The following IRS1 variants were observed in gnomAD, a reference collection of about 807,000 sequenced individuals.
IRS1 encodes the protein insulin receptor substrate 1.
A neutral mutation model predicts 65.6 loss-of-function variants in IRS1; 34 were observed. The ratio of observed to expected loss-of-function variants is 0.52; its 90% CI spans 0.39 to 0.69. The LOEUF is 0.69. Among genes scored for constraint, IRS1 ranks in the 30% least tolerant of loss-of-function variants. The probability of loss-of-function intolerance (pLI) is 0.00; values close to 1 mark genes in which losing one functional copy is unlikely to be tolerated. For missense variants in IRS1, 1,641 were observed against 1,720.2 expected, an observed-to-expected ratio of 0.95 and a Z score of 0.81; for synonymous variants, 699 against 683.5, an observed-to-expected ratio of 1.02 and a Z score of -0.35.
At chr2:226,757,002 T>TAAATAAATAAAA (rs1349775472) in intron 1 of IRS1, among the ~76,000 whole-genome samples, 3 of 147,204 alleles carry the variant, frequency 2.0e-5, no homozygotes, top group East Asian at 4.0e-4. Flanking sequence ...AATAAATAAA[T>TAAATAAATAAAA]AAAATACAAT....
At chr2:226,780,769 G>A (rs1469366791) in intron 1 of IRS1, among the ~76,000 whole-genome samples, 1 of 152,074 alleles carries the variant, frequency 6.6e-6, no homozygotes, top group African/African-American at 2.4e-5. Context: ...AATTTTGATG[G>A]ACTTTTTAAT....
intron 1 of IRS1, among the ~76,000 whole-genome samples, chr2:226,784,761 T>C (rs532074775): frequency 1.2e-4 from 19 of 152,322 alleles, no homozygotes; most frequent in Middle Eastern, 3.4e-3. Context: ...TTCTCGAAAG[T>C]TTCTATTTTG....
intron 1 of IRS1, among the ~76,000 whole-genome samples, chr2:226,771,692 C>A (rs936545054): frequency 2.0e-5 from 3 of 151,902 alleles, no homozygotes; most frequent in African/African-American, 7.3e-5. Flanking sequence ...GATGCTCATG[C>A]CTTCTGCCTG....
At position 226,797,861 on chromosome 2, in the gene IRS1, G is replaced by A. The variant is rs746823533; in HGVS notation, c.878C>T (p.Pro293Leu). 3.7e-6 allele frequency: 6 copies of A among 1,603,048 alleles called. No homozygotes were observed. The highest frequency in any genetic ancestry group is 2.2e-5 in the South Asian group (2 of 90,240). Residue 293 changes from proline to leucine, a missense_variant, in exon 1 of 2, where the codon CCG (proline) becomes CTG (leucine). By Grantham distance (98) the Pro-to-Leu change is moderately conservative. Coordinates refer to ENST00000305123, the MANE Select transcript of IRS1 (RefSeq NM_005544.3). This position sits in a 1 kb window ranked among gnomAD's most constrained non-coding sequence, Gnocchi z 8.1. ...GCGGGTCAGCCCCACCTGGCTGGGC[G>A]GGGGATTGTTGAGATGGTGCCGGCG... is the stretch of plus-strand genomic sequence containing the variant. Reference protein sequence around the residue: ...PLRRHHLNNPPPSQVGLTRRS... With the variant: ...PLRRHHLNNPLPSQVGLTRRS...
intron 1 of IRS1, among the ~76,000 whole-genome samples, chr2:226,764,105 G>T (rs1410114221): frequency 6.6e-6 from 1 of 151,792 alleles, no homozygotes; most frequent in African/African-American, 2.4e-5. Flanking sequence ...TTTCCACTCA[G>T]TCTGAAAGTA....
chr2:226,736,626 T>C (rs1574636869), intron 1 of IRS1, among the ~76,000 whole-genome samples: 2 of 151,064 alleles, frequency 1.3e-5, no homozygotes, highest in East Asian at 4.1e-4. Flanking sequence ...TCAGTCTGTG[T>C]TGTATCTCCT....
In IRS1 at chr2:226,759,954, C is replaced by T. The variant is rs896423648; in HGVS notation, c.*22-23704G>A. Among the ~76,000 whole-genome samples the T allele has an allele frequency of 8.5e-5, 13 of 152,264 alleles. No homozygotes were observed. The South Asian group carries it at 1.2e-3, about 15-fold the overall frequency. On this transcript the variant is annotated intron_variant, in intron 1 of 1. Transcript: ENST00000305123. ...TTTTGGGAGTGCGAGGCAGGCAGAT[C>T]GCTTGAGCTCAGGCGTTTGAGACCA...
Position 226,795,913 on chromosome 2 carries a change from C to T in IRS1, c.2826G>A (p.Met942Ile). Residue 942 changes from methionine (M) to isoleucine (I), a missense_variant, in exon 1 of 2, where the codon ATG becomes ATA. Physicochemically the swap from Met to Ile is conservative, Grantham distance 10 (BLOSUM62 1). This residue lies in a region of IRS1 where 1,324 missense variants were observed against 1,361.0 expected (regional missense o/e 0.97). Transcript: ENST00000305123. Reference sequence around the variant, plus strand: ...TCCGGCCCGGCCCCAGGTCCATCTTCATGTACTCCTCAGTGCCAGTCTCTT... The same window carrying T: ...TCCGGCCCGGCCCCAGGTCCATCTTTATGTACTCCTCAGTGCCAGTCTCTT... ...REEETGTEEY[M>I]KMDLGPGRRA... 1 of 1,613,998 alleles carries T rather than the reference C, an allele frequency of 6.2e-7. No individual in the cohort carries two copies. Among genetic ancestry groups the T allele is most frequent in the Non-Finnish European group, 8.5e-7 (1 of 1,180,044 alleles).
At position 226,795,365 on chromosome 2, in the gene IRS1, A is replaced by G; in HGVS notation, c.3374T>C (p.Val1125Ala). ...NTVPFGAGAA[V>A]GGGGGSSSSS... ...GCTGCTGCTACCGCCACCGCCCCCTACTGCTGCCCCCGCTCCAAAGGGCAC... is the reference window on the plus strand; with the variant it reads ...GCTGCTGCTACCGCCACCGCCCCCTGCTGCTGCCCCCGCTCCAAAGGGCAC... Residue 1125 changes from valine (V) to alanine (A), a missense_variant, in exon 1 of 2, where the codon GTA becomes GCA. Physicochemically the swap from Val to Ala is moderately conservative, Grantham distance 64 (BLOSUM62 0). Coordinates refer to ENST00000305123, the MANE Select transcript of IRS1 (RefSeq NM_005544.3). The G allele has an allele frequency of 6.2e-7, 1 of 1,612,922 alleles. No individual in the cohort carries two copies. The highest frequency in any genetic ancestry group is 8.5e-7 in the Non-Finnish European group (1 of 1,179,904).
At position 226,797,640 on chromosome 2, in the gene IRS1, G is replaced by C; in HGVS notation, c.1099C>G (p.Pro367Ala). Reference sequence around the variant, plus strand: ...ATGGAGCGGCTGTGGTTGAGCGGGGGGTGCAGCCGGGCGCTGCCCCGATGC... The same window carrying C: ...ATGGAGCGGCTGTGGTTGAGCGGGGCGTGCAGCCGGGCGCTGCCCCGATGC... Reference protein sequence around the residue: ...HRHRGSARLHPPLNHSRSIPM... With the variant: ...HRHRGSARLHAPLNHSRSIPM... Residue 367 changes from proline to alanine, a missense_variant, in exon 1 of 2, where the codon CCC (proline) becomes GCC (alanine). Transcript: ENST00000305123. This position sits in a 1 kb window ranked among gnomAD's most constrained non-coding sequence, Gnocchi z 8.1. 6.3e-7 allele frequency: 1 copy of C among 1,590,240 alleles called. No homozygotes were observed. The highest frequency in any genetic ancestry group is 1.3e-5 in the African/African-American group (1 of 74,876).
intron 1 of IRS1, among the ~76,000 whole-genome samples, chr2:226,751,055 C>T (rs1938668167): frequency 6.6e-6 from 1 of 152,106 alleles, no homozygotes; most frequent in South Asian, 2.1e-4. Context: ...CACCACAAGC[C>T]ATGTCTGCAG....
At position 226,794,570 on chromosome 2, in the gene IRS1, T is replaced by G. The variant is rs1939670683; in HGVS notation, c.*21+419A>C. 6.6e-6 allele frequency among the ~76,000 whole-genome samples: 1 copy of G among 152,204 alleles called. No individual in the cohort carries two copies. Among genetic ancestry groups the G allele is most frequent in the Non-Finnish European group, 1.5e-5 (1 of 68,034 alleles). ...GCTCCCAGAAACTATTAAGATAGTT[T>G]AAGATAAGGAAGGGTTTAGCCCCTG... On this transcript the variant is annotated intron_variant, in intron 1 of 1. Transcript: ENST00000305123. The surrounding 1 kb of genome is among the most constrained non-coding windows in gnomAD (Gnocchi z 4.1).
intron 1 of IRS1, among the ~76,000 whole-genome samples, chr2:226,761,806 T>G (rs942411940): frequency 7.9e-5 from 12 of 152,212 alleles, no homozygotes; most frequent in African/African-American, 2.9e-4. Context: ...CTTAAATGAC[T>G]GTTCCATGAA....
intron 1 of IRS1, among the ~76,000 whole-genome samples, chr2:226,789,340 C>A (rs996628368): frequency 1.8e-4 from 28 of 152,184 alleles, no homozygotes; most frequent in African/African-American, 6.8e-4. Flanking sequence ...GGCAACTCAA[C>A]AGTCAAGATA....
intron 1 of IRS1, among the ~76,000 whole-genome samples, chr2:226,758,041 G>A (rs1439316846): frequency 1.3e-5 from 2 of 152,052 alleles, no homozygotes; most frequent in African/African-American, 4.8e-5. Flanking sequence ...AGAATTCTTT[G>A]CTTCTCTGAT....
At position 226,765,828 on chromosome 2, in the gene IRS1, G is replaced by GGACC. The variant is rs1161072958; in HGVS notation, c.*21+29157_*21+29160dup. ...TAAAAAGTAAATCTGTTGAAAACAT[G>GGACC]GACCTAATTTTTATTGTAAATGGAT... On this transcript the variant is annotated intron_variant, in intron 1 of 1. Coordinates refer to ENST00000305123, the MANE Select transcript of IRS1 (RefSeq NM_005544.3). Among the ~76,000 whole-genome samples the GGACC allele has an allele frequency of 4.0e-5, 6 of 151,704 alleles. No individual in the cohort carries two copies. The South Asian group carries it at 1.2e-3, about 32-fold the overall frequency.
At chr2:226,737,036 C>G (rs578200145) in intron 1 of IRS1, among the ~76,000 whole-genome samples, 1 of 151,684 alleles carries the variant, frequency 6.6e-6, no homozygotes, top group Non-Finnish European at 1.5e-5. Context: ...TGGTGTGCTG[C>G]ACCCACTAAC....
At chr2:226,747,010 G>A (rs538612479) in intron 1 of IRS1, among the ~76,000 whole-genome samples, 10 of 151,948 alleles carry the variant, frequency 6.6e-5, no homozygotes, top group South Asian at 2.1e-4. Flanking sequence ...GGTTGGTCTC[G>A]AACTCCTGAC....
chr2:226,741,943 G>C (rs905270485), intron 1 of IRS1, among the ~76,000 whole-genome samples: 6 of 151,984 alleles, frequency 3.9e-5, no homozygotes, highest in African/African-American at 1.2e-4. Flanking sequence ...AATCTCAGAT[G>C]AATAAAAATG....
Sources: gnomAD v4.1 joint callset for allele counts (sites outside exome capture counted in the v4.1 genomes callset) on GRCh38, gnomAD v4.1.1 for gene constraint, gnomAD v4.1.1 regional missense constraint, Gnocchi (gnomAD v3.1) non-coding constraint, MANE v1.5 for transcripts, NCBI Gene and HGNC (gene_info 2026-07-23, HGNC 2026-07-21) for gene names.